PLEC: variants seen among roughly 807,000 people sequenced by gnomAD.
PLEC encodes the protein plectin, also known as hemidesmosomal protein 1.
PLEC carries 216 observed loss-of-function variants against 392.8 expected under a neutral mutation model. The ratio of observed to expected loss-of-function variants is 0.55; its 90% CI spans 0.49 to 0.62. The LOEUF (loss-of-function observed/expected upper bound fraction) is 0.62. Ranked by LOEUF, PLEC falls within the 20% of genes least tolerant of loss-of-function variation. PLEC has a pLI of 0.00. For missense variants in PLEC, 6,863 were observed against 6,563.4 expected (o/e 1.05, Z -1.58); for synonymous variants, 3,621 against 2,980.6 (o/e 1.21, Z -7.00).
At chr8:143,950,134 C>T in intron 1 of PLEC, 3 of 1,460,868 alleles carry the variant, frequency 2.1e-6, no homozygotes, top group Non-Finnish European at 2.7e-6. Flanking sequence ...ACCCGACAAC[C>T]AGACCCCTAC....
chr8:143,949,056 GCCTCACTGAT>G (rs1831825671), intron 1 of PLEC, among the ~76,000 whole-genome samples: 1 of 152,214 alleles, frequency 6.6e-6, no homozygotes, highest in African/African-American at 2.4e-5. Context: ...CCACCCCACA[GCCTCACTGAT>G]CCTCCCAGAT....
chr8:143,922,551 C>T lies in PLEC; in HGVS notation c.7378G>A (p.Glu2460Lys). 6.2e-7 allele frequency: 1 copy of T among 1,613,062 alleles called. No individual in the cohort carries two copies. The highest frequency in any genetic ancestry group is 8.5e-7 in the Non-Finnish European group (1 of 1,179,960). Residue 2460 changes from glutamate to lysine, a missense_variant, in exon 31 of 32, where the codon GAG (glutamate) becomes AAG (lysine). Transcript: ENST00000345136. ...EAIAELEREK[E>K]KLQQEAKLLQ... is the part of the protein sequence containing the mutation. ...AGTTTGGCCTCCTGTTGGAGCTTCT[C>T]CTTCTCACGCTCCAGCTCAGCGATG...
chr8:143,938,722 G>A (rs1183451299), intron 1 of PLEC, 30 bp from the exon 2 acceptor site: 2 of 1,608,854 alleles, frequency 1.2e-6, no homozygotes, highest in African/African-American at 2.7e-5. Flanking sequence ...CTTACCTGGG[G>A]CCTGGGAGAA....
rs571595526 is a variant in PLEC, at chr8:143,935,898, G to A, written c.552C>T (p.Thr184=). 3.1e-6 allele frequency: 5 copies of A among 1,612,962 alleles called. No individual in the cohort carries two copies. In the Admixed American group the frequency reaches 5.0e-5, roughly 16 times the overall value. The change falls in exon 6 of 32, where the codon ACC becomes ACT. Residue 184 remains threonine (T), a synonymous_variant. Transcript: ENST00000345136. The part of the protein sequence containing the change: ...GYQGLRCDNF[T]SSWRDGRLFN... Reference sequence around the variant, plus strand: ...AGAGGCGGCCGTCTCTCCAGCTGGAGGTGAAGTTGTCGCATCGCAGGCCCT... The same window carrying A: ...AGAGGCGGCCGTCTCTCCAGCTGGAAGTGAAGTTGTCGCATCGCAGGCCCT...
chr8:143,933,309 C>A lies in PLEC; in HGVS notation c.1306G>T (p.Gly436Trp). The change falls in exon 13 of 32, where the codon GGG becomes TGG. Residue 436 changes from glycine to tryptophan, a missense_variant. Coordinates refer to ENST00000345136, the MANE Select transcript of PLEC (RefSeq NM_201384.3). ...LAAGKVPQRAGEVERDLDKAD... is the reference protein window; with the variant it reads ...LAAGKVPQRAWEVERDLDKAD... ...TTGTCCAAGTCCCGTTCCACCTCCC[C>A]CGCCCGCTGTGGCACTTTGCCTGCA... 6.2e-7 allele frequency: 1 copy of A among 1,612,890 alleles called. No individual in the cohort carries two copies.
Position 143,929,209 on chromosome 8 carries a change from C to T in PLEC, c.3154G>A (p.Ala1052Thr). Residue 1052 changes from alanine to threonine, a missense_variant, in exon 25 of 32, where the codon GCC (alanine) becomes ACC (threonine). Ala to Thr is a moderately conservative substitution (Grantham distance 58). Coordinates refer to ENST00000345136, the MANE Select transcript of PLEC (RefSeq NM_201384.3). ...GCCGCAGGCGATGGCTCTGGTAGGG[C>T]CAAGACCTTCTCGGCCTCGGCAGAG... Reference protein sequence around the residue: ...RLSAEAEKVLALPEPSPAAPT... With the variant: ...RLSAEAEKVLTLPEPSPAAPT... 2 of 1,602,898 alleles carry T rather than the reference C, an allele frequency of 1.2e-6. No individual in the cohort carries two copies. Among genetic ancestry groups the T allele is most frequent in the Non-Finnish European group, 8.5e-7 (1 of 1,178,156 alleles).
intron 3 of PLEC, chr8:143,937,902 G>A: frequency 1.6e-6 from 1 of 638,078 alleles, no homozygotes; most frequent in Admixed American, 2.2e-5. Context: ...GCGGAGGGCG[G>A]CAAGGCCCAG....
At position 143,932,525 on chromosome 8, in the gene PLEC, A is replaced by C; in HGVS notation, c.1852T>G (p.Leu618Val). 6.2e-7 allele frequency: 1 copy of C among 1,612,632 alleles called. No individual in the cohort carries two copies. The highest frequency in any genetic ancestry group is 8.5e-7 in the Non-Finnish European group (1 of 1,179,952). The change falls in exon 16 of 32, where the codon TTG becomes GTG. Residue 618 changes from leucine to valine, a missense_variant. Coordinates refer to ENST00000345136, the MANE Select transcript of PLEC (RefSeq NM_201384.3). The stretch of plus-strand genomic sequence containing the variant: ...GTGGCGGCTGCCACAAAGCTGTGCA[A>C]GCTCTCCAGGGACCTGAGGCGGGCC... ...SKARLRSLESLHSFVAAATKE... is the reference protein window; with the variant it reads ...SKARLRSLESVHSFVAAATKE...
chr8:143,960,683 C>T (rs1832831991), intron 1 of PLEC, among the ~76,000 whole-genome samples: 1 of 152,128 alleles, frequency 6.6e-6, no homozygotes, highest in East Asian at 1.9e-4. Context: ...AAATCAAAAT[C>T]GTGTTGGAAT....
rs11786934 is a variant in PLEC, at chr8:143,922,467, G to A, written c.7425+37C>T. The A allele has an allele frequency of 0.39, 620,465 of 1,601,894 alleles. 126,744 individuals carry two copies. Among genetic ancestry groups the A allele is most frequent in the Non-Finnish European group, 0.42 (497,064 of 1,179,716 alleles). ...CCATCACCCACCAAAGCAGATCCCC[G>A]GGCCCACCCGCCCGTCGCACGTAGA... On this transcript the variant is annotated intron_variant, in intron 31 of 31. Transcript: ENST00000345136.
At position 143,925,286 on chromosome 8, in the gene PLEC, G is replaced by C. The variant is rs533788232; in HGVS notation, c.4643C>G (p.Ala1548Gly). The change falls in exon 31 of 32, where the codon GCG becomes GGG. Residue 1548 changes from alanine to glycine, a missense_variant. Physicochemically the swap from Ala to Gly is moderately conservative, Grantham distance 60. Coordinates refer to ENST00000345136, the MANE Select transcript of PLEC (RefSeq NM_201384.3). ...CTCGGCCTGCCGCAGGCGCCGCTCC[G>C]CCTCCTCCGCCTGCAGCCGCAGCTC... is the stretch of plus-strand genomic sequence containing the variant. ...LEELRLQAEE[A>G]ERRLRQAEVE... 6.3e-7 allele frequency: 1 copy of C among 1,575,622 alleles called. No individual in the cohort carries two copies. Among genetic ancestry groups the C allele is most frequent in the Non-Finnish European group, 8.6e-7 (1 of 1,169,574 alleles).
chr8:143,924,920 TCCG>T lies in PLEC; in HGVS notation c.5006_5008del (p.Ala1669del), dbSNP rs1564051779. 1 of 1,584,722 alleles carries T rather than the reference TCCG, an allele frequency of 6.3e-7. No homozygotes were observed. The highest frequency in any genetic ancestry group is 8.5e-7 in the Non-Finnish European group (1 of 1,173,384). On this transcript the variant is annotated inframe_deletion, in exon 31 of 32. Coordinates refer to ENST00000345136, the MANE Select transcript of PLEC (RefSeq NM_201384.3). The stretch of plus-strand genomic sequence containing the variant: ...CTTGCCGCGCCGCCGCGCCTCGCGC[TCCG>T]CCTCCTCCTTCTGCTTCTCAGCCTC...
rs1157466438 is a variant in PLEC, at chr8:143,969,705, T to C, written c.70+3698A>G. Among the ~76,000 whole-genome samples, 4 of 150,602 alleles carry C rather than the reference T, an allele frequency of 2.7e-5. No homozygotes were observed. Among genetic ancestry groups the C allele is most frequent in the African/African-American group, 9.8e-5 (4 of 40,830 alleles). ...CCTGTCCTGGGGGTCAGGGCATGAG[T>C]GCAGGCCGGGGAGTGGGGAGTGGGG... On this transcript the variant is annotated intron_variant, in intron 1 of 31. Transcript: ENST00000356346. The surrounding 1 kb of genome is among the most constrained non-coding windows in gnomAD (Gnocchi z 5.1).
chr8:143,952,181 A>AACAC (rs66992958), upstream of PLEC, among the ~76,000 whole-genome samples: 1,665 of 140,302 alleles, frequency 0.012, 14 homozygotes, highest in Non-Finnish European at 0.015. Flanking sequence ...GCAGGCTCCA[A>AACAC]ACACACACAC....
In PLEC at chr8:143,923,066, T is replaced by C; in HGVS notation, c.6863A>G (p.Gln2288Arg). The change falls in exon 31 of 32, where the codon CAA becomes CGA. Residue 2288 changes from glutamine to arginine, a missense_variant. Physicochemically the swap from Gln to Arg is conservative, Grantham distance 43. Coordinates refer to ENST00000345136, the MANE Select transcript of PLEC (RefSeq NM_201384.3). ...CAGCTGCCGCAGTCGCGCAGCCTCT[T>C]GGGCCGCCACACTCAGCCGCGCGGC... ...EEAARLSVAA[Q>R]EAARLRQLAE... 6.2e-7 allele frequency: 1 copy of C among 1,610,202 alleles called. No homozygotes were observed. The highest frequency in any genetic ancestry group is 8.5e-7 in the Non-Finnish European group (1 of 1,179,796).
Position 143,973,402 on chromosome 8 carries a change from C to A in PLEC, c.70+1G>T. The A allele has an allele frequency of 6.4e-7, 1 of 1,558,334 alleles. No individual in the cohort carries two copies. The highest frequency in any genetic ancestry group is 8.7e-7 in the Non-Finnish European group (1 of 1,152,452). ...ACAGGCAGCGGGACGGGGGGCCGTA[C>A]CTTTGTACTTCTCGCGCACCTCCTC... On this transcript the variant is annotated splice_donor_variant, in intron 1 of 31. Coordinates refer to the PLEC transcript ENST00000356346. LOFTEE classifies it high-confidence loss of function. The surrounding 1 kb of genome is among the most constrained non-coding windows in gnomAD (Gnocchi z 5.6).
At chr8:143,964,090 C>A (rs1387514802) in intron 1 of PLEC, among the ~76,000 whole-genome samples, 1 of 152,132 alleles carries the variant, frequency 6.6e-6, no homozygotes, top group Non-Finnish European at 1.5e-5. Flanking sequence ...CAGGCGTGAG[C>A]CACTGTGCCT....
In PLEC at chr8:143,927,400, C is replaced by T. The variant is rs782093855; in HGVS notation, c.3756+10G>A. ...GCCCAGCCGCCCCGTCCCCACCGAC[C>T]CAAGCCCACCTGCTCCTGCCGCAGC... On this transcript the variant is annotated intron_variant, in intron 27 of 31. Coordinates refer to ENST00000345136, the MANE Select transcript of PLEC (RefSeq NM_201384.3). 3 of 1,607,198 alleles carry T rather than the reference C, an allele frequency of 1.9e-6. No individual in the cohort carries two copies. The highest frequency in any genetic ancestry group is 2.5e-6 in the Non-Finnish European group (3 of 1,179,416).
rs1554717699 is a variant in PLEC, at chr8:143,932,659, C to T, written c.1791G>A (p.Leu597=). ...CCAGCAGCTTGGCGTACTGCAGGTC[C>T]AGCCGACCCAGGCAGTCACGGTAGG... ...RGAYRDCLGR[L]DLQYAKLLNS... The change falls in exon 15 of 32, where the codon CTG becomes CTA. Residue 597 remains leucine, a synonymous_variant. Coordinates refer to ENST00000345136, the MANE Select transcript of PLEC (RefSeq NM_201384.3). 1 of 1,610,598 alleles carries T rather than the reference C, an allele frequency of 6.2e-7. No individual in the cohort carries two copies. The highest frequency in any genetic ancestry group is 1.3e-5 in the African/African-American group (1 of 74,844).
Sources: gnomAD v4.1 joint callset for allele counts (sites outside exome capture counted in the v4.1 genomes callset) on GRCh38, gnomAD v4.1.1 for gene constraint, Gnocchi (gnomAD v3.1) non-coding constraint, MANE v1.5 for transcripts, NCBI Gene and HGNC (gene_info 2026-07-23, HGNC 2026-07-21) for gene names.